MRPS28: variants seen among roughly 807,000 people sequenced by gnomAD.
MRPS28 encodes the protein mitochondrial ribosomal protein S28, also known as small ribosomal subunit protein bS1m.
A neutral mutation model predicts 10.8 loss-of-function variants in MRPS28; 7 were observed. That is an observed-to-expected ratio of 0.65 (90% CI 0.37 to 1.22). MRPS28 has a LOEUF of 1.22. Among genes scored for constraint, MRPS28 ranks in the 50% most tolerant of loss-of-function variants. MRPS28 has a pLI of 0.02. For synonymous variants in MRPS28, 121 were observed against 93.3 expected (o/e 1.30, Z -1.71); for missense variants, 265 against 232.9 (o/e 1.14, Z -0.90).
intron 2 of MRPS28, among the ~76,000 whole-genome samples, chr8:79,994,048 A>T (rs1808432428): frequency 6.6e-6 from 1 of 152,216 alleles, no homozygotes; most frequent in Admixed American, 6.5e-5. Flanking sequence ...GTTTTATGAT[A>T]GAGAGCCAGC....
intron 2 of MRPS28, among the ~76,000 whole-genome samples, chr8:79,936,153 C>A (rs1228825288): frequency 6.6e-6 from 1 of 151,558 alleles, no homozygotes; most frequent in Non-Finnish European, 1.5e-5. Context: ...TTGAGATCAG[C>A]CTGGGCAACA....
intron 1 of MRPS28, among the ~76,000 whole-genome samples, chr8:80,026,385 G>A (rs1043992121): frequency 6.6e-6 from 1 of 152,126 alleles, no homozygotes; most frequent in African/African-American, 2.4e-5. Context: ...CAATTATTCT[G>A]GACAGGCACA....
At chr8:79,956,031 C>T (rs1807199064) in intron 2 of MRPS28, among the ~76,000 whole-genome samples, 1 of 152,132 alleles carries the variant, frequency 6.6e-6, no homozygotes, top group African/African-American at 2.4e-5. Context: ...TTCTCTGGAC[C>T]TTAGTTTCCT....
At chr8:80,011,225 T>C (rs187205710) in intron 1 of MRPS28, among the ~76,000 whole-genome samples, 58 of 151,348 alleles carry the variant, frequency 3.8e-4, no homozygotes, top group African/African-American at 1.3e-3. Flanking sequence ...TAGCTGCCAC[T>C]AAAGCAGATG....
intron 2 of MRPS28, among the ~76,000 whole-genome samples, chr8:79,976,157 C>A (rs1053086660): frequency 6.6e-6 from 1 of 151,804 alleles, no homozygotes; most frequent in Non-Finnish European, 1.5e-5. Flanking sequence ...AATCTCAGCT[C>A]ACTGCAACCT....
At chr8:79,989,616 T>C (rs1274178680) in intron 2 of MRPS28, among the ~76,000 whole-genome samples, 3 of 152,232 alleles carry the variant, frequency 2.0e-5, no homozygotes, top group African/African-American at 7.2e-5. Flanking sequence ...ATAGGATGCC[T>C]GAACATGAAC....
intron 2 of MRPS28, among the ~76,000 whole-genome samples, chr8:79,984,918 C>T (rs200568288): frequency 6.6e-6 from 1 of 152,230 alleles, no homozygotes; most frequent in South Asian, 2.1e-4. Flanking sequence ...CTTTGCACCA[C>T]GCGGACCTAA....
At chr8:79,954,343 A>G (rs1323894336) in intron 2 of MRPS28, among the ~76,000 whole-genome samples, 1 of 152,206 alleles carries the variant, frequency 6.6e-6, no homozygotes, top group Non-Finnish European at 1.5e-5. Flanking sequence ...AGATATATCT[A>G]TATATGCACA....
At chr8:79,933,978 G>A (rs1048560374) in intron 2 of MRPS28, among the ~76,000 whole-genome samples, 4 of 152,238 alleles carry the variant, frequency 2.6e-5, no homozygotes, top group Admixed American at 6.5e-5. Flanking sequence ...CTGAAACTAC[G>A]ACTGAAATCT....
intron 2 of MRPS28, among the ~76,000 whole-genome samples, chr8:79,920,702 GAGT>G (rs1810068346): frequency 6.6e-6 from 1 of 152,150 alleles, no homozygotes; most frequent in South Asian, 2.1e-4. Flanking sequence ...TTTGTCAGAG[GAGT>G]AGATTGCAAA....
At chr8:79,938,793 T>C (rs532580706) in intron 2 of MRPS28, among the ~76,000 whole-genome samples, 3 of 152,306 alleles carry the variant, frequency 2.0e-5, no homozygotes, top group Non-Finnish European at 2.9e-5. Context: ...TCTAGAGAAG[T>C]TGGACTATAG....
At chr8:80,027,130 T>C (rs1236102380) in intron 1 of MRPS28, among the ~76,000 whole-genome samples, 1 of 152,120 alleles carries the variant, frequency 6.6e-6, no homozygotes, top group African/African-American at 2.4e-5. Context: ...CAAAGAACTG[T>C]GTAATTGTGG....
intron 2 of MRPS28, among the ~76,000 whole-genome samples, chr8:79,920,867 C>A (rs1176976872): frequency 6.6e-6 from 1 of 152,146 alleles, no homozygotes; most frequent in Non-Finnish European, 1.5e-5. Context: ...CTTGCGCATG[C>A]CTATGTCCTG....
intron 2 of MRPS28, among the ~76,000 whole-genome samples, chr8:79,984,399 G>A (rs1808083276): frequency 6.6e-6 from 1 of 152,172 alleles, no homozygotes; most frequent in Non-Finnish European, 1.5e-5. Flanking sequence ...ACATCATAAT[G>A]ACAGGATCAA....
At chr8:80,014,205 C>G (rs548918069) in intron 1 of MRPS28, among the ~76,000 whole-genome samples, 1 of 152,134 alleles carries the variant, frequency 6.6e-6, no homozygotes, top group Non-Finnish European at 1.5e-5. Flanking sequence ...CTAAAAACAA[C>G]AGAGGCAGGG....
chr8:79,999,968 T>A (rs991283955), intron 2 of MRPS28, among the ~76,000 whole-genome samples: 3 of 152,206 alleles, frequency 2.0e-5, no homozygotes, highest in Non-Finnish European at 2.9e-5. Context: ...CCAGGCACTC[T>A]GTCACCATAT....
chr8:80,016,575 A>C (rs1809201992), intron 1 of MRPS28, among the ~76,000 whole-genome samples: 2 of 152,104 alleles, frequency 1.3e-5, no homozygotes, highest in Non-Finnish European at 2.9e-5. Context: ...AGAAAGAAGA[A>C]AATTATAAAA....
At chr8:79,959,084 A>G (rs1586059567) in intron 2 of MRPS28, among the ~76,000 whole-genome samples, 1 of 152,246 alleles carries the variant, frequency 6.6e-6, no homozygotes, top group East Asian at 1.9e-4. Context: ...TCCCTCTTTC[A>G]CAGTGTGAAC....
At chr8:79,938,325 T>C (rs759539930) in intron 2 of MRPS28, among the ~76,000 whole-genome samples, 1 of 152,078 alleles carries the variant, frequency 6.6e-6, no homozygotes, top group African/African-American at 2.4e-5. Context: ...AGAAGAAGCA[T>C]TACTATCACC....
Sources: gnomAD v4.1 joint callset for allele counts (sites outside exome capture counted in the v4.1 genomes callset) on GRCh38, gnomAD v4.1.1 for gene constraint, MANE v1.5 for transcripts, NCBI Gene and HGNC (gene_info 2026-07-23, HGNC 2026-07-21) for gene names.